Variants in RAD18 observed in about 807,000 individuals in gnomAD.
RAD18 encodes the protein E3 ubiquitin-protein ligase RAD18.
In RAD18, 47 loss-of-function variants were observed where a neutral mutation model predicts 60.4. The ratio of observed to expected loss-of-function variants is 0.78; its 90% CI spans 0.62 to 0.99. RAD18 has a LOEUF of 0.99. Ranked by LOEUF, RAD18 falls within the 50% of genes least tolerant of loss-of-function variation. RAD18 has a pLI of 0.00. For missense variants in RAD18, 640 were observed against 593.3 expected (o/e 1.08, Z -0.82); for synonymous variants, 225 against 195.5 (o/e 1.15, Z -1.26).
At chr3:8,910,668 T>A (rs146566309) in intron 9 of RAD18, among the ~76,000 whole-genome samples, 20 of 152,162 alleles carry the variant, frequency 1.3e-4, no homozygotes, top group African/African-American at 4.6e-4. Context: ...GCAAATTGTC[T>A]GGCTTGAGCC....
At chr3:8,903,760 C>T (rs936425552) in intron 9 of RAD18, among the ~76,000 whole-genome samples, 6 of 152,108 alleles carry the variant, frequency 3.9e-5, no homozygotes, top group African/African-American at 1.4e-4. Flanking sequence ...TGTCATAAAT[C>T]CTATAAAATT....
intron 5 of RAD18, among the ~76,000 whole-genome samples, chr3:8,939,980 T>G (rs1448947188): frequency 2.0e-5 from 3 of 152,224 alleles, no homozygotes; most frequent in Non-Finnish European, 4.4e-5. Flanking sequence ...GAACTCATCT[T>G]AAATTTTCCC....
intron 9 of RAD18, among the ~76,000 whole-genome samples, chr3:8,907,086 T>C (rs1940021260): frequency 6.6e-6 from 1 of 152,182 alleles, no homozygotes. Context: ...AAACTCTAAC[T>C]CCTTTGGTTC....
chr3:8,953,098 A>G (rs1200059078), intron 2 of RAD18, among the ~76,000 whole-genome samples: 2 of 151,712 alleles, frequency 1.3e-5, no homozygotes, highest in African/African-American at 4.8e-5. Context: ...GGGACTGACT[A>G]TATCTATAAA....
Sources: allele counts gnomAD v4.1 joint callset (sites outside exome capture counted in the v4.1 genomes callset), GRCh38; gene constraint gnomAD v4.1.1; transcripts MANE v1.5; gene names NCBI Gene and HGNC (gene_info 2026-07-23, HGNC 2026-07-21).